DGKD: variants seen among roughly 807,000 people sequenced by gnomAD.
The protein encoded by DGKD is DAG kinase delta.
DGKD carries 68 observed loss-of-function variants against 154.4 expected under a neutral mutation model. The observed-to-expected ratio is 0.44, with a 90% CI of 0.36 to 0.54. The LOEUF (loss-of-function observed/expected upper bound fraction) is 0.54. Ranked by LOEUF, DGKD falls within the 20% of genes least tolerant of loss-of-function variation. The probability of loss-of-function intolerance (pLI) is 0.00; values close to 1 mark genes in which losing one functional copy is unlikely to be tolerated. For missense variants in DGKD, 1,343 were observed against 1,593.6 expected (o/e 0.84, Z 2.68); for synonymous variants, 693 against 638.0 (o/e 1.09, Z -1.30).
chr2:233,423,706 A>G (rs557940272), intron 3 of DGKD, among the ~76,000 whole-genome samples: 6 of 151,898 alleles, frequency 4.0e-5, no homozygotes, highest in Non-Finnish European at 5.9e-5. Flanking sequence ...CGCTGGCTGG[A>G]GTAAGGTGGG....
intron 1 of DGKD, among the ~76,000 whole-genome samples, chr2:233,369,159 G>A (rs1298065157): frequency 6.6e-6 from 1 of 152,112 alleles, no homozygotes; most frequent in East Asian, 1.9e-4. Flanking sequence ...TTGGGGGGAG[G>A]TTCTCATCTG....
chr2:233,393,068 A>G (rs1703741513), intron 3 of DGKD, among the ~76,000 whole-genome samples: 1 of 148,894 alleles, frequency 6.7e-6, no homozygotes, highest in Non-Finnish European at 1.5e-5. Flanking sequence ...CCAGGCTGGA[A>G]GGCTGGAGTG....
At chr2:233,366,434 G>A (rs958962062) in intron 1 of DGKD, among the ~76,000 whole-genome samples, 5 of 152,112 alleles carry the variant, frequency 3.3e-5, no homozygotes, top group African/African-American at 9.7e-5. Context: ...TTTGGTGTGG[G>A]TGTTGGGGGA....
chr2:233,365,062 A>G (rs1701955972), intron 1 of DGKD, among the ~76,000 whole-genome samples: 1 of 152,224 alleles, frequency 6.6e-6, no homozygotes. Flanking sequence ...ATAATTTAAA[A>G]TTTGGAAGTA....
intron 10 of DGKD, among the ~76,000 whole-genome samples, chr2:233,444,064 C>T (rs1254559894): frequency 6.6e-6 from 1 of 152,148 alleles, no homozygotes; most frequent in Non-Finnish European, 1.5e-5. Flanking sequence ...TGCAGGGCTT[C>T]TGCTGTCGTC....
chr2:233,421,674 C>A (rs2062119569), intron 3 of DGKD, among the ~76,000 whole-genome samples: 1 of 152,168 alleles, frequency 6.6e-6, no homozygotes. Context: ...TCCTTCCTCG[C>A]CTCCTCCCCG....
At chr2:233,411,450 C>T (rs1171646920) in intron 3 of DGKD, among the ~76,000 whole-genome samples, 1 of 152,148 alleles carries the variant, frequency 6.6e-6, no homozygotes, top group African/African-American at 2.4e-5. Flanking sequence ...CTAATGATGT[C>T]AACATCTTTT....
chr2:233,359,725 A>G (rs1037397009), intron 1 of DGKD, among the ~76,000 whole-genome samples: 8 of 152,220 alleles, frequency 5.3e-5, no homozygotes, highest in African/African-American at 1.9e-4. Flanking sequence ...TTTAACAGCA[A>G]ATATTTGAGA....
Position 233,365,507 on chromosome 2 carries a change from A to T in DGKD, c.156+10833A>T, listed in dbSNP as rs574016419. 2.0e-5 allele frequency among the ~76,000 whole-genome samples: 3 copies of T among 152,264 alleles called. No homozygotes were observed. In the East Asian group the frequency reaches 5.8e-4, roughly 29 times the overall value. The stretch of plus-strand genomic sequence containing the variant: ...TGATCCACCTGCCTCGGCCTCCTGA[A>T]GTGCTGGGATTACAGGCGTGAGCCA... On this transcript the variant is annotated intron_variant, in intron 1 of 29. Transcript: ENST00000264057.
rs912304121 is a variant in DGKD, at chr2:233,459,318, A to G, written c.2695-439A>G. On this transcript the variant is annotated intron_variant, in intron 22 of 29. Transcript: ENST00000264057. The surrounding 1 kb of genome is among the most constrained non-coding windows in gnomAD (Gnocchi z 5.7). ...AGCTGTAGGCTGCTTGAAGTTCACAATTTTCACTCTTTGGCAATGTTTGTT... is the reference window on the plus strand; with the variant it reads ...AGCTGTAGGCTGCTTGAAGTTCACAGTTTTCACTCTTTGGCAATGTTTGTT... Among the ~76,000 whole-genome samples, 1 of 152,014 alleles carries G rather than the reference A, an allele frequency of 6.6e-6. No individual in the cohort carries two copies. Among genetic ancestry groups the G allele is most frequent in the African/African-American group, 2.4e-5 (1 of 41,392 alleles).
At position 233,467,212 on chromosome 2, in the gene DGKD, C is replaced by T. The variant is rs776331653; in HGVS notation, c.3424+9C>T. The stretch of plus-strand genomic sequence containing the variant: ...TAGCCTGGGAGCCCCGGGTACCTGC[C>T]TCTCTCCCGCGTGTGTTTCTGGCCG... On this transcript the variant is annotated intron_variant, in intron 28 of 29. Transcript: ENST00000264057. 2.5e-6 allele frequency: 4 copies of T among 1,587,038 alleles called. No homozygotes were observed. The highest frequency in any genetic ancestry group is 1.1e-5 in the South Asian group (1 of 90,526).
intron 3 of DGKD, among the ~76,000 whole-genome samples, chr2:233,393,579 C>G (rs747226182): frequency 9.9e-5 from 15 of 151,768 alleles, no homozygotes; most frequent in Non-Finnish European, 2.2e-4. Context: ...CTCAAGTGAT[C>G]CTCCTGCCTC....
intron 1 of DGKD, among the ~76,000 whole-genome samples, chr2:233,383,667 A>G (rs1703015406): frequency 1.3e-5 from 2 of 152,170 alleles, no homozygotes; most frequent in South Asian, 4.1e-4. Flanking sequence ...TCCTTGGCTA[A>G]CCTGCCATCT....
intron 24 of DGKD, 135 bp from the exon 25 acceptor site, chr2:233,462,213 G>A (rs866296435): frequency 4.6e-6 from 3 of 646,166 alleles, no homozygotes; most frequent in African/African-American, 1.8e-5. Context: ...GCTGAGCCAC[G>A]ATCCCTGTCG....
Position 233,449,005 on chromosome 2 carries a change from G to A in DGKD, c.1615-98G>A, listed in dbSNP as rs1180645417. On this transcript the variant is annotated intron_variant, in intron 14 of 29. Transcript: ENST00000264057. The surrounding 1 kb of genome is among the most constrained non-coding windows in gnomAD (Gnocchi z 5.3). Reference sequence around the variant, plus strand: ...GAGAGTTAGGATTTTCCTTTTGATCGAGTTCTAGGAAGTCTGGGTGAAATG... The same window carrying A: ...GAGAGTTAGGATTTTCCTTTTGATCAAGTTCTAGGAAGTCTGGGTGAAATG... 6.3e-6 allele frequency: 9 copies of A among 1,418,702 alleles called. No individual in the cohort carries two copies. Among genetic ancestry groups the A allele is most frequent in the African/African-American group, 1.4e-5 (1 of 69,974 alleles). 87.9% of individuals were successfully genotyped at this position (1,418,702 alleles called of 1,614,324 possible). A position where few individuals can be genotyped will look rare whatever the true frequency, so the allele number is the denominator to read the frequency against.
chr2:233,447,765 C>T, intron 12 of DGKD: 1 of 1,114,332 alleles, frequency 9.0e-7, no homozygotes, highest in South Asian at 2.4e-5. Flanking sequence ...GCCGACCCGC[C>T]AGCATGCCGC....
Position 233,449,106 on chromosome 2 carries a change from T to C in DGKD, c.1618T>C (p.Ser540Pro). ...EESEVMAKKCSVLKEKLDSLL... is the reference protein window; with the variant it reads ...EESEVMAKKCPVLKEKLDSLL... ...GCCATTTCCTTTCCTTGTTCAGTGC[T>C]CTGTCCTGAAAGAGAAGCTGGATTC... The change falls in exon 15 of 30, where the codon TCT (serine) becomes CCT (proline). Residue 540 changes from serine (S) to proline (P), a missense_variant. By Grantham distance (74) the Ser-to-Pro change is moderately conservative. Coordinates refer to ENST00000264057, the MANE Select transcript of DGKD (RefSeq NM_152879.3). The surrounding 1 kb of genome is among the most constrained non-coding windows in gnomAD (Gnocchi z 5.3). 1 of 1,591,082 alleles carries C rather than the reference T, an allele frequency of 6.3e-7. No individual in the cohort carries two copies. Among genetic ancestry groups the C allele is most frequent in the South Asian group, 1.1e-5 (1 of 90,404 alleles).
chr2:233,464,901 G>A (rs1271376798), intron 27 of DGKD, among the ~76,000 whole-genome samples: 1 of 152,278 alleles, frequency 6.6e-6, no homozygotes, highest in East Asian at 1.9e-4. Flanking sequence ...GAGGGGCCCT[G>A]AGGAAAGCTC....
intron 3 of DGKD, among the ~76,000 whole-genome samples, chr2:233,401,647 A>G (rs2125484918): frequency 2.6e-5 from 4 of 152,292 alleles, no homozygotes; most frequent in Admixed American, 2.6e-4. Flanking sequence ...AAGGCTGGGC[A>G]TGGTGGCTAA....
Sources: allele counts gnomAD v4.1 joint callset (sites outside exome capture counted in the v4.1 genomes callset), GRCh38; gene constraint gnomAD v4.1.1; non-coding constraint Gnocchi (gnomAD v3.1); transcripts MANE v1.5; gene names NCBI Gene and HGNC (gene_info 2026-07-23, HGNC 2026-07-21).